GDPD1: variants seen among roughly 807,000 people sequenced by gnomAD.
GDPD1 encodes the protein lysophospholipase D GDPD1.
A neutral mutation model predicts 45.1 loss-of-function variants in GDPD1; 28 were observed. The ratio of observed to expected loss-of-function variants is 0.62; its 90% CI spans 0.46 to 0.85. The LOEUF is 0.85. Ranked by LOEUF, GDPD1 falls within the 40% of genes least tolerant of loss-of-function variation. GDPD1 has a pLI of 0.00. For synonymous variants in GDPD1, 139 were observed against 131.4 expected, an observed-to-expected ratio of 1.06 and a Z score of -0.40; for missense variants, 256 against 364.8, an observed-to-expected ratio of 0.70 and a Z score of 2.43.
At chr17:59,247,619 A>G (rs1230555218) in intron 3 of GDPD1, among the ~76,000 whole-genome samples, 2 of 152,086 alleles carry the variant, frequency 1.3e-5, no homozygotes, top group Non-Finnish European at 2.9e-5. Flanking sequence ...ACCATTGTAG[A>G]TAACACTGCA....
intron 3 of GDPD1, among the ~76,000 whole-genome samples, chr17:59,247,102 T>C (rs2047218428): frequency 6.6e-6 from 1 of 152,124 alleles, no homozygotes; most frequent in Admixed American, 6.6e-5. Context: ...ACTTTATTTT[T>C]TAGAGACGTC....
At position 59,257,795 on chromosome 17, in the gene GDPD1, G is replaced by A. The variant is rs777461328; in HGVS notation, c.531G>A (p.Val177=). 20 of 1,606,800 alleles carry A rather than the reference G, an allele frequency of 1.2e-5. No homozygotes were observed. In the East Asian group the frequency reaches 3.4e-4, roughly 27 times the overall value. ...VKRYNREHLT[V]WGNANYEIVE... ...GGTATAATCGAGAACACTTAACAGT[G>A]TGGGGTAATGCCAATTATGAAATTG... The change falls in exon 6 of 10, where the codon GTG becomes GTA. Residue 177 remains valine, a synonymous_variant. Coordinates refer to ENST00000284116, the MANE Select transcript of GDPD1 (RefSeq NM_182569.4).
At chr17:59,226,453 C>T (rs908156385) in intron 1 of GDPD1, among the ~76,000 whole-genome samples, 4 of 151,878 alleles carry the variant, frequency 2.6e-5, no homozygotes, top group East Asian at 1.9e-4. Context: ...TTTGTTTTTA[C>T]GTGGGTATCT....
chr17:59,232,419 C>T (rs1597965282), intron 1 of GDPD1, among the ~76,000 whole-genome samples: 2 of 149,922 alleles, frequency 1.3e-5, no homozygotes, highest in East Asian at 3.9e-4. Flanking sequence ...CACTGCACTC[C>T]AGACTGGGTG....
intron 2 of GDPD1, among the ~76,000 whole-genome samples, 154 bp from the exon 3 acceptor site, chr17:59,245,257 ATAT>A (rs2047201593): frequency 1.3e-5 from 2 of 152,212 alleles, no homozygotes. Context: ...TTCATTTAGA[ATAT>A]TTTCATATTA....
intron 4 of GDPD1, among the ~76,000 whole-genome samples, chr17:59,250,783 T>A (rs959499004): frequency 1.3e-5 from 2 of 152,104 alleles, no homozygotes; most frequent in African/African-American, 4.8e-5. Context: ...CACTGCAACC[T>A]CCACCTCCTG....
At chr17:59,236,030 A>G (rs1001967736) in intron 2 of GDPD1, among the ~76,000 whole-genome samples, 1 of 152,160 alleles carries the variant, frequency 6.6e-6, no homozygotes. Flanking sequence ...TAGGTCATAC[A>G]TATAACTTGA....
At chr17:59,220,880 C>A in intron 1 of GDPD1, 129 bp downstream of exon 1, 1 of 1,050,096 alleles carries the variant, frequency 9.5e-7, no homozygotes, top group Non-Finnish European at 1.4e-6. Flanking sequence ...GAATTGAGGG[C>A]TCTTCCGGAG....
chr17:59,271,932 G>C (rs1307226590), intron 8 of GDPD1, among the ~76,000 whole-genome samples: 1 of 152,022 alleles, frequency 6.6e-6, no homozygotes, highest in Non-Finnish European at 1.5e-5. Context: ...ACCGCGCCCA[G>C]CCTTAACGCC....
intron 8 of GDPD1, among the ~76,000 whole-genome samples, chr17:59,271,595 G>A (rs1156842781): frequency 6.8e-6 from 1 of 147,640 alleles, no homozygotes; most frequent in Non-Finnish European, 1.5e-5. Flanking sequence ...ATTATTTAAC[G>A]CCTTTTCTTC....
chr17:59,250,953 C>A (rs181446720), intron 4 of GDPD1, among the ~76,000 whole-genome samples: 8 of 152,156 alleles, frequency 5.3e-5, no homozygotes, highest in African/African-American at 1.4e-4. Flanking sequence ...ACCTGACCCC[C>A]CCTTGCCCTC....
chr17:59,255,757 AAAAAAATAT>A (rs1460688052), intron 4 of GDPD1, among the ~76,000 whole-genome samples: 10 of 85,470 alleles, frequency 1.2e-4, no homozygotes, highest in East Asian at 8.6e-4. Flanking sequence ...AAAAAAAAAA[AAAAAAATAT>A]ATATATATAT....
At chr17:59,272,583 G>T (rs1409630630) in intron 8 of GDPD1, among the ~76,000 whole-genome samples, 2 of 152,186 alleles carry the variant, frequency 1.3e-5, no homozygotes, top group African/African-American at 4.8e-5. Flanking sequence ...GGTTCTGGTT[G>T]TCCACCAACC....
intron 6 of GDPD1, among the ~76,000 whole-genome samples, chr17:59,263,778 C>G (rs1331948049): frequency 6.6e-6 from 1 of 151,992 alleles, no homozygotes; most frequent in Non-Finnish European, 1.5e-5. Context: ...CCACGCCCAG[C>G]CTACTTTTGC....
chr17:59,254,706 A>G (rs2147893407), intron 4 of GDPD1, among the ~76,000 whole-genome samples: 1 of 152,332 alleles, frequency 6.6e-6, no homozygotes. Flanking sequence ...TAGAAAGTCC[A>G]GGGGTTATAT....
intron 4 of GDPD1, among the ~76,000 whole-genome samples, chr17:59,254,330 C>T (rs1376329088): frequency 6.8e-6 from 1 of 146,268 alleles, no homozygotes; most frequent in Non-Finnish European, 1.5e-5. Context: ...CGCTGCACTG[C>T]AGCCTGGGTG....
chr17:59,268,598 A>G (rs1222517000), intron 7 of GDPD1, among the ~76,000 whole-genome samples: 10 of 147,028 alleles, frequency 6.8e-5, no homozygotes, highest in Admixed American at 1.4e-4. Context: ...AAAAAAAAAA[A>G]AAAAGAAAAG....
intron 6 of GDPD1, among the ~76,000 whole-genome samples, chr17:59,265,383 A>G (rs184450720): frequency 1.3e-5 from 2 of 151,398 alleles, no homozygotes; most frequent in African/African-American, 4.9e-5. Flanking sequence ...AAAAATTTTT[A>G]AAAAATTAGC....
intron 3 of GDPD1, among the ~76,000 whole-genome samples, chr17:59,246,103 G>A (rs893029453): frequency 1.3e-5 from 2 of 151,288 alleles, no homozygotes; most frequent in Admixed American, 1.3e-4. Context: ...CTGGGCAAGA[G>A]TGAGACTCTG....
Sources: gnomAD v4.1 joint callset for allele counts (sites outside exome capture counted in the v4.1 genomes callset) on GRCh38, gnomAD v4.1.1 for gene constraint, MANE v1.5 for transcripts, NCBI Gene and HGNC (gene_info 2026-07-23, HGNC 2026-07-21) for gene names.